Variants in NCAPD3 observed in about 807,000 individuals in gnomAD.
NCAPD3 encodes condensin-2 complex subunit D3.
In NCAPD3, 105 loss-of-function variants were observed where a neutral mutation model predicts 182.9. The ratio of observed to expected loss-of-function variants is 0.57; its 90% confidence interval spans 0.49 to 0.68. NCAPD3 has a LOEUF of 0.68. Ranked by LOEUF, NCAPD3 falls within the 30% of genes least tolerant of loss-of-function variation. The probability of loss-of-function intolerance (pLI) is 0.00; values close to 1 mark genes in which losing one functional copy is unlikely to be tolerated. For missense variants in NCAPD3, 1,944 were observed against 1,837.0 expected (o/e 1.06, Z -1.07); for synonymous variants, 815 against 679.9 (o/e 1.20, Z -3.09).
At chr11:134,167,725 C>A (rs1445677324) in intron 27 of NCAPD3, among the ~76,000 whole-genome samples, 1 of 120,088 alleles carries the variant, frequency 8.3e-6, no homozygotes, top group Non-Finnish European at 1.7e-5. Context: ...TTGGGGGAGG[C>A]GCACACTCGT....
At position 134,150,828 on chromosome 11, in the gene NCAPD3, T is replaced by A. The variant is rs1437574124; in HGVS notation, c.*2116A>T. 7.9e-5 allele frequency: 12 copies of A among 151,636 alleles called. No individual in the cohort carries two copies. Among genetic ancestry groups the A allele is most frequent in the Non-Finnish European group, 2.9e-5 (2 of 67,890 alleles). The allele number at this position is 151,636 out of a possible 1,614,324, so 9.4% of individuals were successfully genotyped here. ...CATTTCAAAACAAACCATGATGGAG[T>A]GGCGGCCAGTCCAGCCTTTTAAAGA... On this transcript the variant is annotated 3_prime_UTR_variant, in exon 35 of 35. Coordinates refer to ENST00000534548, the MANE Select transcript of NCAPD3 (RefSeq NM_015261.3).
intron 22 of NCAPD3, 56 bp downstream of exon 22, chr11:134,178,578 A>T: frequency 7.4e-7 from 1 of 1,355,262 alleles, no homozygotes; most frequent in African/African-American, 1.5e-5. Context: ...GGCTTACTTA[A>T]GACAACAGCT....
At chr11:134,225,264 G>T (rs1381638621), upstream of NCAPD3, 1 of 1,614,160 alleles carries the variant, frequency 6.2e-7, no homozygotes. Context: ...GACGGTCTCC[G>T]GGAAGGTGAG....
At chr11:134,193,283 T>C (rs995004055) in intron 15 of NCAPD3, among the ~76,000 whole-genome samples, 6 of 152,232 alleles carry the variant, frequency 3.9e-5, no homozygotes, top group Non-Finnish European at 8.8e-5. Flanking sequence ...ATAAACATAC[T>C]TCTAAAATTC....
chr11:134,220,509 A>G, intron 2 of NCAPD3, 63 bp downstream of exon 2: 1 of 1,491,290 alleles, frequency 6.7e-7, no homozygotes, highest in Non-Finnish European at 9.3e-7. Flanking sequence ...TCAGATTATA[A>G]TAATGACTTT....
chr11:134,215,261 A>G (rs1465242113), intron 3 of NCAPD3, among the ~76,000 whole-genome samples: 1 of 152,224 alleles, frequency 6.6e-6, no homozygotes, highest in Admixed American at 6.5e-5. Context: ...CCTTAAGATC[A>G]GGAATAGACA....
chr11:134,155,850 T>C (rs115519603), intron 32 of NCAPD3, among the ~76,000 whole-genome samples: 2,339 of 148,034 alleles, frequency 0.016, 56 homozygotes, highest in African/African-American at 0.053. Context: ...CATGATTCGG[T>C]TGTCGTCTGA....
intron 27 of NCAPD3, among the ~76,000 whole-genome samples, chr11:134,165,188 G>A (rs866117384): frequency 2.7e-4 from 40 of 148,754 alleles, no homozygotes; most frequent in Non-Finnish European, 5.9e-5. Flanking sequence ...ACACTTGTGA[G>A]ATGAGCTTGG....
In NCAPD3 at chr11:134,151,421, CCTT is replaced by C. The variant is rs1943230800; in HGVS notation, c.*1520_*1522del. ...GCGTTGGGGATTCACGCTCCAGCCT[CCTT>C]CTTGGTTGTCATAGTGATAGGGTAG... On this transcript the variant is annotated 3_prime_UTR_variant, in exon 35 of 35. Transcript: ENST00000534548. 1.3e-5 allele frequency: 2 copies of C among 152,144 alleles called. No individual in the cohort carries two copies. Among genetic ancestry groups the C allele is most frequent in the South Asian group, 2.1e-4 (1 of 4,822 alleles). 9.4% of individuals were successfully genotyped at this position (152,144 alleles called of 1,614,324 possible). A position where few individuals can be genotyped will look rare whatever the true frequency, so the allele number is the denominator to read the frequency against.
chr11:134,152,760 G>A lies in NCAPD3; in HGVS notation c.*184C>T. On this transcript the variant is annotated 3_prime_UTR_variant, in exon 35 of 35. Transcript: ENST00000534548. Reference sequence around the variant, plus strand: ...TGGCACATCTCTATTATTTGACAGTGTTTAACCAAATACATCATACAGAAT... The same window carrying A: ...TGGCACATCTCTATTATTTGACAGTATTTAACCAAATACATCATACAGAAT... The A allele has an allele frequency of 2.0e-6, 1 of 512,612 alleles. No homozygotes were observed. The highest frequency in any genetic ancestry group is 3.4e-6 in the Non-Finnish European group (1 of 293,306). 31.8% of individuals were successfully genotyped at this position (512,612 alleles called of 1,614,324 possible).
chr11:134,175,436 G>C (rs986594966), intron 24 of NCAPD3, among the ~76,000 whole-genome samples: 1 of 152,208 alleles, frequency 6.6e-6, no homozygotes, highest in African/African-American at 2.4e-5. Context: ...TAGAATGTTA[G>C]TTTTACTGGT....
chr11:134,186,630 C>A (rs1944411386), intron 16 of NCAPD3, among the ~76,000 whole-genome samples: 1 of 152,228 alleles, frequency 6.6e-6, no homozygotes, highest in South Asian at 2.1e-4. Context: ...AAATACACTT[C>A]TTCCCTTGAT....
intron 22 of NCAPD3, chr11:134,177,785 A>T: frequency 3.3e-6 from 1 of 302,918 alleles, no homozygotes. Flanking sequence ...TGAGAGGTGA[A>T]ACATTTTACT....
chr11:134,188,203 A>C (rs1196783234), intron 16 of NCAPD3, among the ~76,000 whole-genome samples: 4 of 152,198 alleles, frequency 2.6e-5, no homozygotes, highest in Non-Finnish European at 5.9e-5. Flanking sequence ...TGCACCAATT[A>C]GCACTCTGTA....
At chr11:134,167,447 G>A (rs1306351210) in intron 27 of NCAPD3, among the ~76,000 whole-genome samples, 1 of 136,180 alleles carries the variant, frequency 7.3e-6, no homozygotes, top group Non-Finnish European at 1.6e-5. Flanking sequence ...CTCGTGAGAG[G>A]AGCTTAGGGG....
At chr11:134,171,832 C>G in intron 24 of NCAPD3, among the ~76,000 whole-genome samples, 1 of 152,132 alleles carries the variant, frequency 6.6e-6, no homozygotes, top group South Asian at 2.1e-4. Context: ...CCAAACACAG[C>G]AGTTCTCTCT....
Position 134,203,526 on chromosome 11 carries a change from T to C in NCAPD3, c.1468+128A>G, listed in dbSNP as rs528140681. 3 of 1,240,556 alleles carry C rather than the reference T, an allele frequency of 2.4e-6. No homozygotes were observed. The Admixed American group carries it at 7.4e-5, about 31-fold the overall frequency. The allele number at this position is 1,240,556 out of a possible 1,614,324, so 76.8% of individuals were successfully genotyped here. ...ATTTGGCAAGAAAATATACTAAAAA[T>C]GGTTTTGAGAGTAAAAATAGATCAT... On this transcript the variant is annotated intron_variant, in intron 11 of 34. Transcript: ENST00000534548.
In NCAPD3 at chr11:134,169,027, C is replaced by G; in HGVS notation, c.3129G>C (p.Leu1043=). Residue 1043 remains leucine, a synonymous_variant, in exon 25 of 35, where the codon CTG becomes CTC. Transcript: ENST00000534548. The stretch of plus-strand genomic sequence containing the variant: ...ACATGACAGGGTTCCTCTTCAGTAA[C>G]AGGTGAGCCAGGCAAAACTCCCCGA... ...ASFGEFCLAH[L]LLKRNPVMFF... 6.2e-7 allele frequency: 1 copy of G among 1,613,912 alleles called. No homozygotes were observed. The highest frequency in any genetic ancestry group is 8.5e-7 in the Non-Finnish European group (1 of 1,179,902).
At chr11:134,164,938 G>A (rs1021983295) in intron 27 of NCAPD3, among the ~76,000 whole-genome samples, 11 of 149,666 alleles carry the variant, frequency 7.3e-5, no homozygotes, top group African/African-American at 2.7e-4. Context: ...CTTAGGGGGA[G>A]GGGCACACTC....
Sources: gnomAD v4.1 joint callset for allele counts (sites outside exome capture counted in the v4.1 genomes callset) on GRCh38, gnomAD v4.1.1 for gene constraint, MANE v1.5 for transcripts, NCBI Gene and HGNC (gene_info 2026-07-23, HGNC 2026-07-21) for gene names.